RPTOR: variants seen among roughly 807,000 people sequenced by gnomAD.
The protein encoded by RPTOR is regulatory-associated protein of mTOR.
In RPTOR, 21 loss-of-function variants were observed where a neutral mutation model predicts 169.9. The ratio of observed to expected loss-of-function variants is 0.12; its 90% confidence interval spans 0.09 to 0.18. RPTOR has a LOEUF of 0.18. RPTOR is among the 10% of genes least tolerant of loss of function. The pLI is 1.00. For missense variants in RPTOR, 1,133 were observed against 1,855.9 expected (o/e 0.61, Z 7.16); for synonymous variants, 732 against 753.2 (o/e 0.97, Z 0.46).
intron 1 of RPTOR, among the ~76,000 whole-genome samples, chr17:80,568,434 G>A (rs368991125): frequency 2.6e-5 from 4 of 152,248 alleles, no homozygotes; most frequent in African/African-American, 9.6e-5. Flanking sequence ...GAAGTCTGCT[G>A]TTGGTCTTAC....
intron 3 of RPTOR, among the ~76,000 whole-genome samples, chr17:80,691,832 G>T (rs550759301): frequency 1.3e-5 from 2 of 152,242 alleles, no homozygotes; most frequent in East Asian, 3.9e-4. Context: ...AAAATACGAA[G>T]GCGCTCTTAC....
chr17:80,672,016 A>G (rs755390153), intron 3 of RPTOR, among the ~76,000 whole-genome samples: 1 of 152,202 alleles, frequency 6.6e-6, no homozygotes. Context: ...TTTAAAATAC[A>G]ATGGTTCGTA....
At chr17:80,686,013 G>T (rs2065944488) in intron 3 of RPTOR, among the ~76,000 whole-genome samples, 1 of 151,874 alleles carries the variant, frequency 6.6e-6, no homozygotes, top group Non-Finnish European at 1.5e-5. Flanking sequence ...TTTCTAGAAG[G>T]GATTCAGGCC....
At chr17:80,842,773 A>C (rs1293832563) in intron 10 of RPTOR, among the ~76,000 whole-genome samples, 2 of 152,196 alleles carry the variant, frequency 1.3e-5, no homozygotes, top group Non-Finnish European at 2.9e-5. Flanking sequence ...GTCAGCTAGC[A>C]GCTTGTGTGT....
Position 80,883,888 on chromosome 17 carries a change from G to A in RPTOR, c.1758G>A (p.Gln586=), listed in dbSNP as rs1200286456. Residue 586 remains glutamine, a synonymous_variant, in exon 16 of 34, where the codon CAG becomes CAA. Coordinates refer to ENST00000306801, the MANE Select transcript of RPTOR (RefSeq NM_020761.3). ...CCATCTGCCTCGGCAGGATCTGGCAGAACTTCGACTCGGCGAGGTGGTGCG... is the reference window on the plus strand; with the variant it reads ...CCATCTGCCTCGGCAGGATCTGGCAAAACTTCGACTCGGCGAGGTGGTGCG... ...WVAICLGRIW[Q]NFDSARWCGV... 1 of 1,613,626 alleles carries A rather than the reference G, an allele frequency of 6.2e-7. No individual in the cohort carries two copies. The highest frequency in any genetic ancestry group is 8.5e-7 in the Non-Finnish European group (1 of 1,180,046).
At chr17:80,889,528 G>A (rs2068290077) in intron 17 of RPTOR, among the ~76,000 whole-genome samples, 1 of 152,180 alleles carries the variant, frequency 6.6e-6, no homozygotes, top group African/African-American at 2.4e-5. Context: ...GAGCCCTCAG[G>A]GGGAAGGGGT....
intron 20 of RPTOR, among the ~76,000 whole-genome samples, chr17:80,895,579 C>A (rs941554111): frequency 6.6e-6 from 1 of 152,248 alleles, no homozygotes; most frequent in East Asian, 1.9e-4. Context: ...TAAACGGGCA[C>A]GTGTGTGGTG....
chr17:80,806,006 C>T (rs980851318), intron 7 of RPTOR, among the ~76,000 whole-genome samples: 5 of 152,172 alleles, frequency 3.3e-5, no homozygotes, highest in Non-Finnish European at 5.9e-5. Context: ...CCATTAAATA[C>T]GGAAGGACAG....
intron 2 of RPTOR, among the ~76,000 whole-genome samples, chr17:80,634,125 TGTGTGTGCATACTGTGTGC>T (rs1384571169): frequency 1.3e-5 from 2 of 150,836 alleles, no homozygotes; most frequent in African/African-American, 2.4e-5. Context: ...ATACTGTGTG[TGTGTGTGCATACTGTGTGC>T]GTGTGCGTAC....
intron 2 of RPTOR, among the ~76,000 whole-genome samples, chr17:80,637,247 G>A (rs1396786189): frequency 6.6e-6 from 1 of 152,232 alleles, no homozygotes; most frequent in Admixed American, 6.5e-5. Context: ...AGCAAACAAG[G>A]GGCCCATGCC....
At chr17:80,879,252 A>G (rs1470110042) in intron 13 of RPTOR, among the ~76,000 whole-genome samples, 1 of 151,430 alleles carries the variant, frequency 6.6e-6, no homozygotes, top group Non-Finnish European at 1.5e-5. Flanking sequence ...TTGCTGACCC[A>G]GCTCCAACCC....
At chr17:80,859,220 C>A (rs747120141) in intron 13 of RPTOR, among the ~76,000 whole-genome samples, 3 of 152,164 alleles carry the variant, frequency 2.0e-5, no homozygotes, top group Non-Finnish European at 2.9e-5. Flanking sequence ...GCAGGCGAGA[C>A]CCTCGAAGGA....
At chr17:80,630,432 G>A (rs572197074) in intron 2 of RPTOR, among the ~76,000 whole-genome samples, 2 of 152,330 alleles carry the variant, frequency 1.3e-5, no homozygotes, top group East Asian at 3.9e-4. Context: ...CAGAGAAACA[G>A]GGGCAGTAGA....
intron 6 of RPTOR, chr17:80,774,046 C>T (rs1248905804): frequency 5.1e-6 from 5 of 985,284 alleles, no homozygotes; most frequent in Non-Finnish European, 6.0e-6. Flanking sequence ...CCCTGTTTTT[C>T]TATTTCTTCG....
At chr17:80,595,111 G>A (rs1439322901) in intron 1 of RPTOR, among the ~76,000 whole-genome samples, 2 of 151,928 alleles carry the variant, frequency 1.3e-5, no homozygotes, top group Non-Finnish European at 2.9e-5. Context: ...GGAATGGGTG[G>A]GAGCATATGA....
intron 9 of RPTOR, among the ~76,000 whole-genome samples, chr17:80,826,099 C>G (rs1454542774): frequency 1.3e-5 from 2 of 152,082 alleles, no homozygotes; most frequent in Admixed American, 6.6e-5. Context: ...CATAGGCCAC[C>G]CAGAAGAGGG....
At chr17:80,905,888 A>G (rs1167260630) in intron 20 of RPTOR, among the ~76,000 whole-genome samples, 1 of 151,774 alleles carries the variant, frequency 6.6e-6, no homozygotes, top group Non-Finnish European at 1.5e-5. Flanking sequence ...CCTGGTCCTC[A>G]CCCCCGGGTC....
At position 80,651,381 on chromosome 17, in the gene RPTOR, C is replaced by T. The variant is rs904261827; in HGVS notation, c.348+7571C>T. On this transcript the variant is annotated intron_variant, in intron 3 of 33. Coordinates refer to ENST00000306801, the MANE Select transcript of RPTOR (RefSeq NM_020761.3). The surrounding 1 kb of genome is among the most constrained non-coding windows in gnomAD (Gnocchi z 4.1). ...CGATCAATAACAGATTGGAGGGGGA[C>T]GGCCACTTCAAAGTGTCTGCGGTAC... Among the ~76,000 whole-genome samples, 6 of 152,124 alleles carry T rather than the reference C, an allele frequency of 3.9e-5. No homozygotes were observed. The highest frequency in any genetic ancestry group is 2.9e-5 in the Non-Finnish European group (2 of 68,008).
At chr17:80,828,353 T>C (rs1026588736) in intron 9 of RPTOR, among the ~76,000 whole-genome samples, 2 of 152,304 alleles carry the variant, frequency 1.3e-5, no homozygotes, top group Non-Finnish European at 2.9e-5. Context: ...CATTTTGCAG[T>C]CAGCTGCATC....
Sources: gnomAD v4.1 joint callset for allele counts (sites outside exome capture counted in the v4.1 genomes callset) on GRCh38, gnomAD v4.1.1 for gene constraint, Gnocchi (gnomAD v3.1) non-coding constraint, MANE v1.5 for transcripts, NCBI Gene and HGNC (gene_info 2026-07-23, HGNC 2026-07-21) for gene names.